The following ZNF251 variants were observed in gnomAD, a reference collection of about 807,000 sequenced individuals.
ZNF251 encodes the protein zinc finger protein 251.
A neutral mutation model predicts 13.5 loss-of-function variants in ZNF251; 14 were observed. The ratio of observed to expected loss-of-function variants is 1.04; its 90% CI spans 0.69 to 1.63. The LOEUF (loss-of-function observed/expected upper bound fraction) is 1.63, where lower values mean the gene tolerates loss of function less well. Among genes scored for constraint, ZNF251 ranks in the 40% most tolerant of loss-of-function variants. ZNF251 has a pLI of 0.00. For missense variants in ZNF251, 764 were observed against 834.9 expected (o/e 0.92, Z 1.05); for synonymous variants, 287 against 295.2 (o/e 0.97, Z 0.28).
At chr8:144,748,137 A>G (rs1824517048) in intron 4 of ZNF251, among the ~76,000 whole-genome samples, 1 of 151,676 alleles carries the variant, frequency 6.6e-6, no homozygotes, top group Admixed American at 6.6e-5. Context: ...GCAATGGTGC[A>G]ATCTTGGCTC....
chr8:144,755,376 C>A (rs190105509), intron 1 of ZNF251, 29 bp downstream of exon 1: 14 of 1,287,080 alleles, frequency 1.1e-5, no homozygotes, highest in Non-Finnish European at 1.3e-5. Flanking sequence ...GCCCGCTTGG[C>A]GCTCCTTCCT....
At position 144,723,201 on chromosome 8, in the gene ZNF251, C is replaced by T; in HGVS notation, c.459G>A (p.Gln153=). 6.2e-7 allele frequency: 1 copy of T among 1,612,544 alleles called. No individual in the cohort carries two copies. The highest frequency in any genetic ancestry group is 8.5e-7 in the Non-Finnish European group (1 of 1,179,340). Residue 153 remains glutamine (Q), a synonymous_variant, in exon 5 of 5, where the codon CAG becomes CAA. Transcript: ENST00000292562. ...LKERVGNSAG[Q]SLNKPNIHKR... is the part of the protein sequence containing the mutation. The stretch of plus-strand genomic sequence containing the variant: ...TGTGAATATTGGGTTTGTTCAAACT[C>T]TGCCCGGCAGAATTTCCCACGCGCT...
chr8:144,731,947 C>CTTTTTT lies in ZNF251; in HGVS notation c.278-8566_278-8565insAAAAAA, dbSNP rs1563758169. 5.6e-3 allele frequency among the ~76,000 whole-genome samples: 766 copies of CTTTTTT among 136,670 alleles called. 12 individuals carry two copies. The highest frequency in any genetic ancestry group is 0.022 in the African/African-American group (737 of 32,816). The allele number at this position is 136,670 out of a possible 152,430, so 89.7% of individuals were successfully genotyped here. On this transcript the variant is annotated intron_variant, in intron 4 of 4. Coordinates refer to ENST00000292562, the MANE Select transcript of ZNF251 (RefSeq NM_138367.2). The stretch of plus-strand genomic sequence containing the variant: ...AATAAAGGACATGTCCTGACAGCTG[C>CTTTTTT]ATTTTTTTTTTTTAAGACAGAGTCT...
At chr8:144,723,736 A>G (rs1823438157) in intron 4 of ZNF251, among the ~76,000 whole-genome samples, 1 of 152,236 alleles carries the variant, frequency 6.6e-6, no homozygotes, top group African/African-American at 2.4e-5. Flanking sequence ...ACTCAATTAG[A>G]TAGCAAGTAA....
chr8:144,730,879 A>C (rs1823673515), intron 4 of ZNF251, among the ~76,000 whole-genome samples: 1 of 152,230 alleles, frequency 6.6e-6, no homozygotes, highest in East Asian at 1.9e-4. Flanking sequence ...ATCTTTCCCC[A>C]GTTGGCTGAC....
At chr8:144,723,663 G>A (rs1011035425) in intron 4 of ZNF251, among the ~76,000 whole-genome samples, 1 of 152,194 alleles carries the variant, frequency 6.6e-6, no homozygotes, top group Non-Finnish European at 1.5e-5. Context: ...GGCCAGGCGT[G>A]TTCTAGGTAA....
chr8:144,730,818 C>A (rs1823671518), intron 4 of ZNF251, among the ~76,000 whole-genome samples: 1 of 152,226 alleles, frequency 6.6e-6, no homozygotes, highest in Non-Finnish European at 1.5e-5. Context: ...TAATGCAGGG[C>A]ACCTGTGCTC....
chr8:144,736,882 A>G (rs1309109967), intron 4 of ZNF251, among the ~76,000 whole-genome samples: 1 of 151,732 alleles, frequency 6.6e-6, no homozygotes, highest in Non-Finnish European at 1.5e-5. Flanking sequence ...GGCTCACTGC[A>G]ACCTCCGGCT....
At chr8:144,745,653 C>T (rs1352199254) in intron 4 of ZNF251, among the ~76,000 whole-genome samples, 2 of 151,974 alleles carry the variant, frequency 1.3e-5, no homozygotes, top group Non-Finnish European at 2.9e-5. Context: ...CTCAAGCAGT[C>T]CTCCCACCTC....
intron 4 of ZNF251, among the ~76,000 whole-genome samples, chr8:144,743,007 G>C (rs1824238633): frequency 6.6e-6 from 1 of 152,096 alleles, no homozygotes; most frequent in African/African-American, 2.4e-5. Context: ...GCTTTCACTT[G>C]GTAATGTGCA....
intron 4 of ZNF251, among the ~76,000 whole-genome samples, chr8:144,730,924 C>G (rs1480482353): frequency 2.0e-5 from 3 of 152,244 alleles, no homozygotes; most frequent in Non-Finnish European, 1.5e-5. Flanking sequence ...CATTCAGACA[C>G]CCAGTGACGG....
chr8:144,725,310 C>T (rs1240228177), intron 4 of ZNF251, among the ~76,000 whole-genome samples: 5 of 152,084 alleles, frequency 3.3e-5, no homozygotes, highest in Non-Finnish European at 5.9e-5. Context: ...CCATCGCACC[C>T]GGCCTCTTTT....
At position 144,721,836 on chromosome 8, in the gene ZNF251, G is replaced by A; in HGVS notation, c.1824C>T (p.Thr608=). The A allele has an allele frequency of 6.7e-7, 1 of 1,495,786 alleles. No homozygotes were observed. Among genetic ancestry groups the A allele is most frequent in the Non-Finnish European group, 8.9e-7 (1 of 1,122,518 alleles). 92.7% of individuals were successfully genotyped at this position (1,495,786 alleles called of 1,614,324 possible). A position where few individuals can be genotyped will look rare whatever the true frequency, so the allele number is the denominator to read the frequency against. Residue 608 remains threonine, a synonymous_variant, in exon 5 of 5, where the codon ACC becomes ACT. Transcript: ENST00000292562. ...TGTGAGTTACCTGATGTTGAATAAG[G>A]GTTGACTTTCCACTGAAGGCGTTTC... ...ECGNAFSGKS[T]LIQHQVTHTG...
rs200998022 is a variant in ZNF251, at chr8:144,723,020, A to G, written c.640T>C (p.Cys214Arg). The change falls in exon 5 of 5, where the codon TGC becomes CGC. Residue 214 changes from cysteine to arginine, a missense_variant. Cys to Arg is a radical substitution (Grantham distance 180). Transcript: ENST00000292562. ...TGERVFKCDICSKTFKYNSDL... is the reference protein window; with the variant it reads ...TGERVFKCDIRSKTFKYNSDL... Reference sequence around the variant, plus strand: ...GAATTATATTTGAAGGTTTTGCTGCATATATCACATTTAAAGACCCTCTCT... The same window carrying G: ...GAATTATATTTGAAGGTTTTGCTGCGTATATCACATTTAAAGACCCTCTCT... 6.2e-7 allele frequency: 1 copy of G among 1,614,044 alleles called. No individual in the cohort carries two copies. Among genetic ancestry groups the G allele is most frequent in the East Asian group, 2.2e-5 (1 of 44,894 alleles).
At chr8:144,732,463 C>T (rs1464392190) in intron 4 of ZNF251, among the ~76,000 whole-genome samples, 1 of 152,266 alleles carries the variant, frequency 6.6e-6, no homozygotes, top group African/African-American at 2.4e-5. Context: ...CTAGATAATT[C>T]AAAACCTATG....
At chr8:144,740,086 G>A (rs1824088435) in intron 4 of ZNF251, among the ~76,000 whole-genome samples, 1 of 151,594 alleles carries the variant, frequency 6.6e-6, no homozygotes, top group South Asian at 2.1e-4. Flanking sequence ...CGGAGTTCGA[G>A]ACCAGCCTGA....
chr8:144,728,662 C>CAAA (rs573364533), intron 4 of ZNF251, among the ~76,000 whole-genome samples: 2,504 of 56,308 alleles, frequency 0.044, 126 homozygotes, highest in African/African-American at 0.13. Context: ...GGCTCCGTCT[C>CAAA]AAAAAAAAAA....
At position 144,722,964 on chromosome 8, in the gene ZNF251, A is replaced by G; in HGVS notation, c.696T>C (p.Thr232=). ...GGCCACATTCGTACGGCTTCTCCCC[A>G]GTGTGACTTCTCTGGTGTCTACTTA... The part of the protein sequence containing the change: ...SDLSRHQRSH[T]GEKPYECGRC... Residue 232 remains threonine (T), a synonymous_variant, in exon 5 of 5, where the codon ACT becomes ACC. Coordinates refer to ENST00000292562, the MANE Select transcript of ZNF251 (RefSeq NM_138367.2). The surrounding 1 kb of genome is among the most constrained non-coding windows in gnomAD (Gnocchi z 4.8). 2 of 1,613,910 alleles carry G rather than the reference A, an allele frequency of 1.2e-6. No individual in the cohort carries two copies. The highest frequency in any genetic ancestry group is 1.1e-5 in the South Asian group (1 of 91,078).
At chr8:144,728,464 C>A (rs1823583349) in intron 4 of ZNF251, among the ~76,000 whole-genome samples, 1 of 151,844 alleles carries the variant, frequency 6.6e-6, no homozygotes. Flanking sequence ...GAGATCGAGA[C>A]CATCCTGGCT....
Sources: allele counts gnomAD v4.1 joint callset (sites outside exome capture counted in the v4.1 genomes callset), GRCh38; gene constraint gnomAD v4.1.1; non-coding constraint Gnocchi (gnomAD v3.1); transcripts MANE v1.5; gene names NCBI Gene and HGNC (gene_info 2026-07-23, HGNC 2026-07-21).